Variants in PTK2 observed in about 807,000 individuals in gnomAD.
PTK2 encodes the protein focal adhesion kinase 1.
A neutral mutation model predicts 150.1 loss-of-function variants in PTK2; 45 were observed. That is an observed-to-expected ratio of 0.30 (90% CI 0.24 to 0.38). The LOEUF (loss-of-function observed/expected upper bound fraction) is 0.38. Ranked by LOEUF, PTK2 falls within the 10% of genes least tolerant of loss-of-function variation. The pLI, the probability that PTK2 is intolerant of heterozygous loss-of-function variation, is 1.00. For missense variants in PTK2, 919 were observed against 1,307.3 expected (o/e 0.70, Z 4.58); for synonymous variants, 432 against 449.2 (o/e 0.96, Z 0.48).
rs113331490 is a variant in PTK2 at position 140,838,061 on chromosome 8, C to CA, written c.594-7536dup. ...TGGGCAACAGAGCAAGACTCCATCT[C>CA]AAAAAAAAAAGTACAGTAAAGCTGA... On this transcript the variant is annotated intron_variant, in intron 7 of 31. Transcript: ENST00000522684. Among the ~76,000 whole-genome samples the CA allele has an allele frequency of 3.0e-3, 444 of 146,004 alleles. 4 individuals are homozygous for CA. The highest frequency in any genetic ancestry group is 9.7e-3 in the African/African-American group (388 of 39,814).
In PTK2 at chr8:140,658,147, G is replaced by A. The variant is rs534249493; in HGVS notation, c.*1319C>T. The A allele has an allele frequency of 2.0e-5, 3 of 152,646 alleles. No individual in the cohort carries two copies. The South Asian group carries it at 6.2e-4, about 32-fold the overall frequency. The allele number at this position is 152,646 out of a possible 1,614,324, so 9.5% of individuals were successfully genotyped here. On this transcript the variant is annotated 3_prime_UTR_variant, in exon 32 of 32. Transcript: ENST00000522684. ...CGCAGGGGAAGGTTCTTTCATTGAA[G>A]ACCATTGCTACTTCCATCCTGAGCT...
chr8:140,996,678 T>C (rs998119885), intron 1 of PTK2, among the ~76,000 whole-genome samples: 2 of 152,222 alleles, frequency 1.3e-5, no homozygotes, highest in South Asian at 4.1e-4. Context: ...GATGATAGCA[T>C]ATCTGTTTAC....
intron 26 of PTK2, 131 bp from the exon 30 acceptor site, chr8:140,686,825 T>G (rs2100020195): frequency 1.3e-6 from 1 of 778,682 alleles, no homozygotes; most frequent in Non-Finnish European, 2.1e-6. Context: ...TTCCCCCGTT[T>G]CAAAAAAATT....
exon 17 of PTK2, chr8:140,752,300 G>A (rs778100779): frequency 1.9e-6 from 3 of 1,613,802 alleles, no homozygotes; most frequent in Admixed American, 3.3e-5. Flanking sequence ...AATTGCAACC[G>A]CCAAAGCTGG....
chr8:140,826,646 T>C (rs1281456916), intron 8 of PTK2, among the ~76,000 whole-genome samples: 4 of 152,196 alleles, frequency 2.6e-5, no homozygotes, highest in Non-Finnish European at 5.9e-5. Context: ...CTGGGTGTGA[T>C]GGTTCACATC....
intron 30 of PTK2, among the ~76,000 whole-genome samples, chr8:140,667,411 G>A (rs979876036): frequency 2.6e-5 from 4 of 152,060 alleles, no homozygotes; most frequent in African/African-American, 9.6e-5. Context: ...TTTAAAAGGA[G>A]CCATTGCTGA....
In PTK2 at chr8:140,921,228, C is replaced by T. The variant is rs1015880421; in HGVS notation, c.-33+4433G>A. The T allele has an allele frequency of 2.6e-5, 20 of 764,366 alleles. No individual in the cohort carries two copies. The African/African-American group carries it at 3.6e-4, about 14-fold the overall frequency. 47.3% of individuals were successfully genotyped at this position (764,366 alleles called of 1,614,324 possible). A position where few individuals can be genotyped will look rare whatever the true frequency, so the allele number is the denominator to read the frequency against. ...ATGGCTCTGTGTTCCTAGATTCATT[C>T]AGGGAAGGAGAAAGAGGGAGGGAAA... On this transcript the variant is annotated intron_variant, in intron 2 of 31. Coordinates refer to ENST00000522684, the Ensembl canonical transcript of PTK2.
rs563388090 is a variant in PTK2 at position 140,810,511 on chromosome 8, A to G, written c.868-6861T>C. Among the ~76,000 whole-genome samples, 658 of 152,298 alleles carry G rather than the reference A, an allele frequency of 4.3e-3. 4 individuals carry two copies. Among genetic ancestry groups the G allele is most frequent in the African/African-American group, 0.015 (626 of 41,552 alleles). On this transcript the variant is annotated intron_variant, in intron 10 of 31. Coordinates refer to ENST00000522684, the Ensembl canonical transcript of PTK2. The stretch of plus-strand genomic sequence containing the variant: ...CTGCAGTGGCTGACCGCTTCTGACC[A>G]GCAGAGAGCTCCCACGGGGCAGCCT...
At chr8:140,982,145 T>C (rs1234703766) in intron 1 of PTK2, among the ~76,000 whole-genome samples, 8 of 150,858 alleles carry the variant, frequency 5.3e-5, no homozygotes, top group Admixed American at 2.6e-4. Context: ...CAGCAAAGCA[T>C]AGCAAGCTAC....
intron 2 of PTK2, among the ~76,000 whole-genome samples, chr8:140,913,577 T>C (rs1390250647): frequency 6.6e-6 from 1 of 152,146 alleles, no homozygotes; most frequent in Non-Finnish European, 1.5e-5. Flanking sequence ...ATTACAGGTG[T>C]GAGCCACTGA....
chr8:140,712,108 G>A (rs4961231), intron 23 of PTK2, among the ~76,000 whole-genome samples: 125,025 of 151,958 alleles, frequency 0.82, 51,908 homozygotes, highest in Non-Finnish European at 0.85. Context: ...TATTTGGAAT[G>A]TAACTACCAA....
chr8:140,705,183 G>A (rs1210046536), intron 24 of PTK2, among the ~76,000 whole-genome samples: 6 of 152,152 alleles, frequency 3.9e-5, no homozygotes, highest in Non-Finnish European at 7.4e-5. Flanking sequence ...ATAAGAAAGT[G>A]CTTACATTCT....
intron 4 of PTK2, among the ~76,000 whole-genome samples, chr8:140,871,292 A>C (rs2154606809): frequency 6.6e-6 from 1 of 152,362 alleles, no homozygotes; most frequent in East Asian, 1.9e-4. Flanking sequence ...AATCAATTAT[A>C]CTGAAAGGAA....
chr8:140,896,232 T>C (rs1225612197), intron 2 of PTK2, among the ~76,000 whole-genome samples: 1 of 152,196 alleles, frequency 6.6e-6, no homozygotes, highest in East Asian at 1.9e-4. Flanking sequence ...TTTCAACAAA[T>C]TAAGAAATAT....
chr8:140,834,593 C>T (rs572351434), intron 7 of PTK2, among the ~76,000 whole-genome samples: 2 of 152,066 alleles, frequency 1.3e-5, no homozygotes, highest in Non-Finnish European at 2.9e-5. Context: ...TCACTGAGAC[C>T]ATATGACATA....
chr8:140,807,834 A>G (rs2100098983), intron 10 of PTK2, among the ~76,000 whole-genome samples: 1 of 152,234 alleles, frequency 6.6e-6, no homozygotes, highest in Non-Finnish European at 1.5e-5. Flanking sequence ...TGAGGCTTAC[A>G]TCGTATTGCT....
At chr8:140,911,000 T>C (rs2100162912) in intron 2 of PTK2, among the ~76,000 whole-genome samples, 1 of 151,772 alleles carries the variant, frequency 6.6e-6, no homozygotes. Context: ...ACCTCAGGCT[T>C]CCAAGTAGCT....
chr8:140,931,875 A>G (rs2100171921), intron 1 of PTK2, among the ~76,000 whole-genome samples: 1 of 147,684 alleles, frequency 6.8e-6, no homozygotes, highest in South Asian at 2.2e-4. Context: ...GGAGGCTATA[A>G]TGAGCCATGA....
At chr8:140,875,705 T>C (rs1378325288) in intron 4 of PTK2, among the ~76,000 whole-genome samples, 1 of 152,224 alleles carries the variant, frequency 6.6e-6, no homozygotes, top group African/African-American at 2.4e-5. Flanking sequence ...ATTCCCCTAC[T>C]GCACCATCTT....
Sources: gnomAD v4.1 joint callset for allele counts (sites outside exome capture counted in the v4.1 genomes callset) on GRCh38, gnomAD v4.1.1 for gene constraint, MANE v1.5 for transcripts, NCBI Gene and HGNC (gene_info 2026-07-23, HGNC 2026-07-21) for gene names.